LIMCH1: variants seen among roughly 807,000 people sequenced by gnomAD.
LIMCH1 encodes the protein LIM and calponin homology domains-containing protein 1.
LIMCH1 carries 113 observed loss-of-function variants against 176.5 expected under a neutral mutation model. That is an observed-to-expected ratio of 0.64 (90% confidence interval 0.55 to 0.75). The LOEUF is 0.75. LIMCH1 is among the 30% of genes least tolerant of loss of function. The pLI is 0.00. For synonymous variants in LIMCH1, 619 were observed against 645.9 expected (o/e 0.96, Z 0.63); for missense variants, 1,674 against 1,814.9 (o/e 0.92, Z 1.41).
At chr4:41,485,101 A>G (rs1488931871) in intron 1 of LIMCH1, among the ~76,000 whole-genome samples, 1 of 152,222 alleles carries the variant, frequency 6.6e-6, no homozygotes, top group African/African-American at 2.4e-5. Flanking sequence ...AAATGTTGCC[A>G]TAAAGTTGTG....
chr4:41,670,915 T>G, intron 21 of LIMCH1: 4 of 1,436,870 alleles, frequency 2.8e-6, no homozygotes, highest in Non-Finnish European at 3.6e-6. Flanking sequence ...TTATGCACAG[T>G]TAGCAAAGAG....
At chr4:41,673,798 G>A (rs1032447604) in intron 22 of LIMCH1, among the ~76,000 whole-genome samples, 6 of 152,220 alleles carry the variant, frequency 3.9e-5, no homozygotes, top group Admixed American at 2.0e-4. Context: ...GCCAGAGGAA[G>A]ATATGGACTT....
chr4:41,369,180 AC>A (rs1007701369), intron 1 of LIMCH1, among the ~76,000 whole-genome samples: 15 of 151,562 alleles, frequency 9.9e-5, no homozygotes, highest in Non-Finnish European at 2.9e-5. Flanking sequence ...CCATTCTTAG[AC>A]CCCCTCCCCC....
rs534096246 is a variant in LIMCH1, at chr4:41,361,069, C to T, written c.96+133C>T. 27 of 527,508 alleles carry T rather than the reference C, an allele frequency of 5.1e-5. No homozygotes were observed. In the South Asian group the frequency reaches 6.6e-4, roughly 13 times the overall value. 32.7% of individuals were successfully genotyped at this position (527,508 alleles called of 1,614,324 possible). On this transcript the variant is annotated intron_variant, in intron 1 of 26. Coordinates refer to the LIMCH1 transcript ENST00000313860. Reference sequence around the variant, plus strand: ...TTCTTTTGCCAGCTGCTCCAGGTCACCCCCCCGGGCCTCGGCGAGCCGCGA... The same window carrying T: ...TTCTTTTGCCAGCTGCTCCAGGTCATCCCCCCGGGCCTCGGCGAGCCGCGA...
At chr4:41,566,833 C>T (rs2082845403) in intron 1 of LIMCH1, among the ~76,000 whole-genome samples, 1 of 152,206 alleles carries the variant, frequency 6.6e-6, no homozygotes. Flanking sequence ...CTATCACATA[C>T]AGAGTTATCC....
intron 1 of LIMCH1, among the ~76,000 whole-genome samples, chr4:41,589,412 G>A (rs1031355018): frequency 6.6e-6 from 1 of 152,160 alleles, no homozygotes; most frequent in African/African-American, 2.4e-5. Flanking sequence ...GATGTGATCA[G>A]AAATGTAGTG....
chr4:41,518,908 T>C (rs2075850096), intron 2 of LIMCH1, among the ~76,000 whole-genome samples: 1 of 107,462 alleles, frequency 9.3e-6, no homozygotes, highest in Non-Finnish European at 1.7e-5. Flanking sequence ...GCAAAGGACA[T>C]GAACACATTT....
At chr4:41,538,495 C>G (rs565486732) in intron 1 of LIMCH1, 145 bp downstream of exon 1, 1 of 281,880 alleles carries the variant, frequency 3.5e-6, no homozygotes, top group African/African-American at 2.3e-5. Flanking sequence ...ATGAAAATTA[C>G]TTTCCTGTGG....
rs75857466 is a variant in LIMCH1 at position 41,589,717 on chromosome 4, C to T, written c.-240-9203C>T. On this transcript the variant is annotated intron_variant, in intron 1 of 31. Transcript: ENST00000503057. ...ATGATGTCTCTGGGTTAGCCTCGCTCGTTCTGTGTCTGACCTCTCCCAGGA... is the reference window on the plus strand; with the variant it reads ...ATGATGTCTCTGGGTTAGCCTCGCTTGTTCTGTGTCTGACCTCTCCCAGGA... Among the ~76,000 whole-genome samples, 170 of 152,274 alleles carry T rather than the reference C, an allele frequency of 1.1e-3. 1 individual carries two copies. In the East Asian group the frequency reaches 0.031, roughly 27 times the overall value.
At chr4:41,566,140 G>A (rs1335124425) in intron 1 of LIMCH1, among the ~76,000 whole-genome samples, 2 of 152,092 alleles carry the variant, frequency 1.3e-5, no homozygotes, top group East Asian at 3.9e-4. Context: ...TAGGAGTCAG[G>A]CCATATGGGT....
intron 10 of LIMCH1, 97 bp from the exon 11 acceptor site, chr4:41,632,652 T>G (rs1011698233): frequency 1.1e-6 from 1 of 938,994 alleles, no homozygotes; most frequent in African/African-American, 1.6e-5. Flanking sequence ...AGCCACATTC[T>G]TCTCTTAATC....
intron 1 of LIMCH1, among the ~76,000 whole-genome samples, chr4:41,469,152 G>T (rs2066580993): frequency 6.6e-6 from 1 of 152,122 alleles, no homozygotes; most frequent in Non-Finnish European, 1.5e-5. Context: ...AGTAATCTGG[G>T]CCTCCTGGTA....
intron 13 of LIMCH1, among the ~76,000 whole-genome samples, chr4:41,636,455 A>G (rs28756765): frequency 0.05 from 7,480 of 150,508 alleles, 524 homozygotes; most frequent in African/African-American, 0.16. Context: ...CAGCAAAGGC[A>G]ATTCTGCTTA....
At chr4:41,590,836 G>A (rs1045144960) in intron 1 of LIMCH1, among the ~76,000 whole-genome samples, 5 of 152,248 alleles carry the variant, frequency 3.3e-5, no homozygotes, top group African/African-American at 1.2e-4. Context: ...GATTGTTGTT[G>A]GACATCAGCC....
intron 2 of LIMCH1, among the ~76,000 whole-genome samples, chr4:41,503,256 G>A (rs183216032): frequency 1.1e-3 from 175 of 152,198 alleles, no homozygotes; most frequent in Non-Finnish European, 2.1e-3. Context: ...TGCTCATCTC[G>A]GAATTAACCG....
At chr4:41,407,790 G>T (rs1237585358) in intron 1 of LIMCH1, among the ~76,000 whole-genome samples, 1 of 152,150 alleles carries the variant, frequency 6.6e-6, no homozygotes, top group African/African-American at 2.4e-5. Flanking sequence ...CCCACGTCTA[G>T]ACTTGAATAC....
intron 2 of LIMCH1, among the ~76,000 whole-genome samples, chr4:41,509,682 T>C (rs1437806462): frequency 6.6e-6 from 1 of 152,204 alleles, no homozygotes; most frequent in Non-Finnish European, 1.5e-5. Context: ...AGGCAAGAAT[T>C]GAGTATCCCC....
intron 1 of LIMCH1, among the ~76,000 whole-genome samples, chr4:41,382,321 G>A (rs2055805048): frequency 6.6e-6 from 1 of 151,940 alleles, no homozygotes; most frequent in South Asian, 2.1e-4. Flanking sequence ...AGGCTAGAAA[G>A]CTAGGGTAGG....
intron 21 of LIMCH1, chr4:41,670,743 G>A (rs553638545): frequency 1.8e-5 from 28 of 1,535,816 alleles, no homozygotes; most frequent in South Asian, 8.3e-5. Context: ...CCAGTGTTCC[G>A]CTTAGAGTTC....
Sources: allele counts gnomAD v4.1 joint callset (sites outside exome capture counted in the v4.1 genomes callset), GRCh38; gene constraint gnomAD v4.1.1; transcripts MANE v1.5; gene names NCBI Gene and HGNC (gene_info 2026-07-23, HGNC 2026-07-21).